The following BMPER variants were observed in gnomAD, a reference collection of about 807,000 sequenced individuals.
The protein encoded by BMPER is BMP binding endothelial regulator.
A neutral mutation model predicts 87.3 loss-of-function variants in BMPER; 45 were observed. That is an observed-to-expected ratio of 0.52 (90% CI 0.41 to 0.66). The LOEUF (loss-of-function observed/expected upper bound fraction) is 0.66, where lower values mean the gene tolerates loss of function less well. Ranked by LOEUF, BMPER falls within the 30% of genes least tolerant of loss-of-function variation. The pLI is 0.00. For missense variants in BMPER, 784 were observed against 867.5 expected, an observed-to-expected ratio of 0.90 and a Z score of 1.21; for synonymous variants, 326 against 316.2, an observed-to-expected ratio of 1.03 and a Z score of -0.33.
At position 34,021,664 on chromosome 7, in the gene BMPER, A is replaced by T. The variant is rs1787191197; in HGVS notation, c.577-24642A>T. On this transcript the variant is annotated intron_variant, in intron 6 of 14. Coordinates refer to ENST00000649409, the MANE Select transcript of BMPER (RefSeq NM_001365308.1). ...TTTCTAATGCTTTACTGAAGGCAAC[A>T]GATTACCACCTTTTCCCACTGGCTT... 2.6e-5 allele frequency among the ~76,000 whole-genome samples: 4 copies of T among 152,196 alleles called. No individual in the cohort carries two copies. In the South Asian group the frequency reaches 8.3e-4, roughly 32 times the overall value.
rs192322927 is a variant in BMPER, at chr7:34,016,872, T to G, written c.577-29434T>G. Among the ~76,000 whole-genome samples the G allele has an allele frequency of 2.0e-5, 3 of 152,058 alleles. No individual in the cohort carries two copies. The East Asian group carries it at 5.8e-4, about 30-fold the overall frequency. ...TACACATTTATTGTAAACTTTGAAT[T>G]TTCAGGTAAAATGTTGGTGTTAGTC... On this transcript the variant is annotated intron_variant, in intron 6 of 14. Transcript: ENST00000649409.
At chr7:34,102,486 G>T (rs1434185387) in intron 13 of BMPER, among the ~76,000 whole-genome samples, 2 of 152,184 alleles carry the variant, frequency 1.3e-5, no homozygotes, top group Non-Finnish European at 2.9e-5. Context: ...GGAGGTGGGT[G>T]ATGCCGCTGC....
intron 7 of BMPER, 23 bp downstream of exon 7, chr7:34,046,428 A>G: frequency 6.3e-7 from 1 of 1,596,918 alleles, no homozygotes; most frequent in Non-Finnish European, 8.6e-7. Context: ...TTTCAGGTCA[A>G]AGAACAATGT....
chr7:33,984,713 A>G lies in BMPER; in HGVS notation c.576+9929A>G, dbSNP rs79758214. 4.5e-4 allele frequency among the ~76,000 whole-genome samples: 68 copies of G among 152,306 alleles called. No individual in the cohort carries two copies. The East Asian group carries it at 0.013, about 29-fold the overall frequency. On this transcript the variant is annotated intron_variant, in intron 6 of 14. Transcript: ENST00000649409. Reference sequence around the variant, plus strand: ...CAGATGTGTTTATAGATTTGAGTGAAATTTGGAATAGGGATTAGAGTTGGT... The same window carrying G: ...CAGATGTGTTTATAGATTTGAGTGAGATTTGGAATAGGGATTAGAGTTGGT...
At chr7:34,065,483 T>A (rs1230267992) in intron 11 of BMPER, among the ~76,000 whole-genome samples, 1 of 152,078 alleles carries the variant, frequency 6.6e-6, no homozygotes, top group Non-Finnish European at 1.5e-5. Context: ...CCTCATTGGG[T>A]GCCACAGGCA....
At position 34,156,413 on chromosome 7, in the gene BMPER, T is replaced by C. The variant is rs1038571347; in HGVS notation, c.*3140T>C. Reference sequence around the variant, plus strand: ...TCAATAAATAAAACCTAATAAATGCTGTCTCATGGTTGCACAGCTGTTTGT... The same window carrying C: ...TCAATAAATAAAACCTAATAAATGCCGTCTCATGGTTGCACAGCTGTTTGT... On this transcript the variant is annotated 3_prime_UTR_variant, in exon 15 of 15. Coordinates refer to ENST00000649409, the MANE Select transcript of BMPER (RefSeq NM_001365308.1). Among the ~76,000 whole-genome samples, 3 of 152,200 alleles carry C rather than the reference T, an allele frequency of 2.0e-5. No homozygotes were observed. The highest frequency in any genetic ancestry group is 2.0e-4 in the Admixed American group (3 of 15,278).
At chr7:34,055,022 A>G in intron 8 of BMPER, 141 bp from the exon 9 acceptor site, 1 of 1,225,438 alleles carries the variant, frequency 8.2e-7, no homozygotes, top group Non-Finnish European at 1.2e-6. Context: ...AAGTGAATGA[A>G]AGATTTATTG....
intron 6 of BMPER, among the ~76,000 whole-genome samples, chr7:33,976,956 A>G (rs1464271867): frequency 1.3e-5 from 2 of 152,188 alleles, no homozygotes; most frequent in Non-Finnish European, 2.9e-5. Context: ...CCTTTCTCAT[A>G]TCCTTGTATT....
intron 6 of BMPER, among the ~76,000 whole-genome samples, chr7:34,026,266 G>A (rs1334463444): frequency 6.6e-6 from 1 of 151,996 alleles, no homozygotes; most frequent in African/African-American, 2.4e-5. Flanking sequence ...GGGACAGTCA[G>A]GGGGATGAGG....
intron 3 of BMPER, among the ~76,000 whole-genome samples, chr7:33,960,367 A>T (rs889731678): frequency 2.0e-5 from 3 of 152,160 alleles, no homozygotes; most frequent in Non-Finnish European, 4.4e-5. Context: ...ATACTTCCAT[A>T]TGTTTCTGGA....
At chr7:34,032,271 C>G (rs143808444) in intron 6 of BMPER, among the ~76,000 whole-genome samples, 6 of 152,026 alleles carry the variant, frequency 3.9e-5, no homozygotes, top group South Asian at 2.1e-4. Flanking sequence ...ATATGTACTT[C>G]CAGCTTTCCT....
At chr7:33,983,350 T>C (rs1009119009) in intron 6 of BMPER, among the ~76,000 whole-genome samples, 1 of 152,186 alleles carries the variant, frequency 6.6e-6, no homozygotes, top group African/African-American at 2.4e-5. Context: ...GACTTCATAT[T>C]GAGCACAACA....
chr7:34,026,701 G>C (rs1301877523), intron 6 of BMPER, among the ~76,000 whole-genome samples: 2 of 152,110 alleles, frequency 1.3e-5, no homozygotes, highest in East Asian at 3.9e-4. Context: ...GTTGATGACA[G>C]ATGTGTTTTT....
upstream of BMPER, chr7:33,905,489 C>T: frequency 7.3e-7 from 1 of 1,379,104 alleles, no homozygotes; most frequent in Admixed American, 2.0e-5. Flanking sequence ...GGGCGCCCGC[C>T]TCCCTCCTTC....
intron 8 of BMPER, among the ~76,000 whole-genome samples, chr7:34,053,300 ATCAGTATTATTT>A: frequency 6.6e-6 from 1 of 152,160 alleles, no homozygotes; most frequent in South Asian, 2.1e-4. Flanking sequence ...ATTTTGAGTA[ATCAGTATTATTT>A]TCTGTCTGCT....
intron 6 of BMPER, among the ~76,000 whole-genome samples, chr7:34,006,064 C>G (rs1786725246): frequency 6.6e-6 from 1 of 152,104 alleles, no homozygotes; most frequent in Admixed American, 6.6e-5. Context: ...GCATGCTTGA[C>G]AACTCTAGAT....
chr7:33,937,448 T>C, intron 3 of BMPER, 60 bp downstream of exon 3: 2 of 1,542,406 alleles, frequency 1.3e-6, no homozygotes, highest in South Asian at 2.2e-5. Flanking sequence ...TTTATTTCTC[T>C]TTCTCTCACC....
chr7:34,064,244 T>A (rs2127966402), intron 11 of BMPER, among the ~76,000 whole-genome samples: 1 of 150,594 alleles, frequency 6.6e-6, no homozygotes, highest in African/African-American at 2.4e-5. Flanking sequence ...TGAACCAAGA[T>A]CATGCCACTG....
At chr7:33,970,262 A>G (rs1785507658) in intron 4 of BMPER, 67 bp from the exon 5 acceptor site, 1 of 1,516,862 alleles carries the variant, frequency 6.6e-7, no homozygotes, top group Non-Finnish European at 9.2e-7. Context: ...TACTTAGGTC[A>G]CTTTCCAAAA....
Sources: allele counts gnomAD v4.1 joint callset (sites outside exome capture counted in the v4.1 genomes callset), GRCh38; gene constraint gnomAD v4.1.1; transcripts MANE v1.5; gene names NCBI Gene and HGNC (gene_info 2026-07-23, HGNC 2026-07-21).